Variants in ADGRF5 observed in about 807,000 individuals in gnomAD.
ADGRF5 encodes adhesion G protein-coupled receptor F5, also known as G-protein coupled receptor 116.
ADGRF5 carries 75 observed loss-of-function variants against 132.3 expected under a neutral mutation model. The ratio of observed to expected loss-of-function variants is 0.57; its 90% CI spans 0.47 to 0.69. The LOEUF is 0.69. ADGRF5 is among the 30% of genes least tolerant of loss of function. The pLI, the probability that ADGRF5 is intolerant of heterozygous loss-of-function variation, is 0.00. For missense variants in ADGRF5, 1,516 were observed against 1,630.6 expected (o/e 0.93, Z 1.21); for synonymous variants, 629 against 597.6 (o/e 1.05, Z -0.77).
At chr6:46,948,862 C>G (rs1452155295) in intron 1 of ADGRF5, among the ~76,000 whole-genome samples, 2 of 152,116 alleles carry the variant, frequency 1.3e-5, no homozygotes, top group Admixed American at 6.6e-5. Flanking sequence ...AGATTTTACT[C>G]TAGGCGGGGT....
At chr6:46,925,647 C>G (rs1253481489), upstream of ADGRF5, among the ~76,000 whole-genome samples, 1 of 152,188 alleles carries the variant, frequency 6.6e-6, no homozygotes, top group African/African-American at 2.4e-5. Context: ...ATCCCAGCTA[C>G]TCAGGAGGCT....
rs1165324740 is a variant in ADGRF5 at position 46,892,197 on chromosome 6, CACACACACACACAG to C, written c.158-3706_158-3693del. On this transcript the variant is annotated intron_variant, in intron 3 of 20. Transcript: ENST00000283296. The stretch of plus-strand genomic sequence containing the variant: ...ACACACACACACACACACACACACA[CACACACACACACAG>C]AAAGAGAGAGAGAGATTTTGGAGCT... Among the ~76,000 whole-genome samples, 254 of 120,070 alleles carry C rather than the reference CACACACACACACAG, an allele frequency of 2.1e-3. 5 individuals are homozygous for C. In the South Asian group the frequency reaches 0.033, roughly 16 times the overall value. The allele number at this position is 120,070 out of a possible 152,430, so 78.8% of individuals were successfully genotyped here. A position where few individuals can be genotyped will look rare whatever the true frequency, so the allele number is the denominator to read the frequency against.
chr6:46,935,595 C>T (rs1582063067), intron 1 of ADGRF5, among the ~76,000 whole-genome samples: 1 of 152,224 alleles, frequency 6.6e-6, no homozygotes, highest in East Asian at 1.9e-4. Flanking sequence ...GGAGAGAGAG[C>T]TCATATTAAA....
At position 46,865,174 on chromosome 6, in the gene ADGRF5, C is replaced by G. The variant is rs1371009193; in HGVS notation, c.1858G>C (p.Val620Leu). 1.2e-6 allele frequency: 2 copies of G among 1,611,308 alleles called. No homozygotes were observed. Among genetic ancestry groups the G allele is most frequent in the Middle Eastern group, 1.7e-4 (1 of 6,052 alleles). ...GCATTGAAATTGTGTTTGTAGCACA[C>G]TTGTTTTTTGTTAACTTCTTTTGCT... Reference protein sequence around the residue: ...PAAKEVNKKQVCYKHNFNASS... With the variant: ...PAAKEVNKKQLCYKHNFNASS... The change falls in exon 14 of 21, where the codon GTG becomes CTG. Residue 620 changes from valine (V) to leucine (L), a missense_variant. Transcript: ENST00000283296.
At chr6:46,952,786 G>A (rs2113849353) in intron 1 of ADGRF5, among the ~76,000 whole-genome samples, 1 of 152,242 alleles carries the variant, frequency 6.6e-6, no homozygotes, top group East Asian at 1.9e-4. Flanking sequence ...AGACATAGAA[G>A]ACCAATAACT....
chr6:46,915,704 A>G (rs1776362266), intron 1 of ADGRF5, among the ~76,000 whole-genome samples: 1 of 151,802 alleles, frequency 6.6e-6, no homozygotes, highest in African/African-American at 2.4e-5. Flanking sequence ...TGTGCTATTC[A>G]GAATGAAAAA....
At chr6:46,909,563 A>T (rs1775731209) in intron 1 of ADGRF5, among the ~76,000 whole-genome samples, 1 of 152,238 alleles carries the variant, frequency 6.6e-6, no homozygotes. Flanking sequence ...GCAACACTGC[A>T]TCTGGAGGAT....
intron 1 of ADGRF5, among the ~76,000 whole-genome samples, chr6:46,952,133 CA>C: frequency 6.6e-6 from 1 of 152,300 alleles, no homozygotes; most frequent in East Asian, 1.9e-4. Context: ...AAGATAGTTG[CA>C]GGTACAGGAC....
chr6:46,877,374 T>TTTC (rs1771927892), intron 10 of ADGRF5, among the ~76,000 whole-genome samples: 1 of 59,364 alleles, frequency 1.7e-5, no homozygotes, highest in Non-Finnish European at 4.3e-5. Context: ...TCTTTCTTTC[T>TTTC]TTCTTTCTTT....
In ADGRF5 at chr6:46,884,239, A is replaced by T; in HGVS notation, c.361T>A (p.Ser121Thr). Residue 121 changes from serine (S) to threonine (T), a missense_variant, in exon 5 of 21, where the codon TCC becomes ACC. Ser to Thr is a moderately conservative substitution (Grantham distance 58). Transcript: ENST00000283296. ...CRPAGNEIWCSCETGYGWPRE... is the reference protein window; with the variant it reads ...CRPAGNEIWCTCETGYGWPRE... The stretch of plus-strand genomic sequence containing the variant: ...GGCCACCCATAACCTGTCTCGCAGG[A>T]GCACCAGATTTCATTTCCAGCAGGT... 6.2e-7 allele frequency: 1 copy of T among 1,613,984 alleles called. No homozygotes were observed. Among genetic ancestry groups the T allele is most frequent in the Non-Finnish European group, 8.5e-7 (1 of 1,179,828 alleles).
At chr6:46,941,956 T>G (rs1253085689) in intron 1 of ADGRF5, among the ~76,000 whole-genome samples, 1 of 152,218 alleles carries the variant, frequency 6.6e-6, no homozygotes, top group Non-Finnish European at 1.5e-5. Flanking sequence ...GCTACATGCT[T>G]TTTTGCTATA....
chr6:46,852,833 C>A lies in ADGRF5; in HGVS notation c.*1159G>T, dbSNP rs1036542439. 5.9e-5 allele frequency: 9 copies of A among 152,292 alleles called. No homozygotes were observed. The highest frequency in any genetic ancestry group is 2.2e-4 in the African/African-American group (9 of 41,330). 9.4% of individuals were successfully genotyped at this position (152,292 alleles called of 1,614,324 possible). A position where few individuals can be genotyped will look rare whatever the true frequency, so the allele number is the denominator to read the frequency against. ...CTCTTAATGTATATTGGTCTGGGAA[C>A]TTAAAGATGGAAACAGAGAATACAT... On this transcript the variant is annotated 3_prime_UTR_variant, in exon 21 of 21. Coordinates refer to ENST00000283296, the MANE Select transcript of ADGRF5 (RefSeq NM_001098518.2).
At chr6:46,936,577 C>T (rs140988179) in intron 1 of ADGRF5, among the ~76,000 whole-genome samples, 4 of 152,064 alleles carry the variant, frequency 2.6e-5, no homozygotes, top group East Asian at 1.9e-4. Flanking sequence ...CATCATCAAA[C>T]ATTTATTGAA....
At chr6:46,897,145 T>TACACACACACACAC (rs10655432) in intron 3 of ADGRF5, among the ~76,000 whole-genome samples, 3 of 141,780 alleles carry the variant, frequency 2.1e-5, no homozygotes, top group African/African-American at 8.0e-5. Flanking sequence ...TGCATATATA[T>TACACACACACACAC]ACACACACAC....
intron 1 of ADGRF5, among the ~76,000 whole-genome samples, chr6:46,930,112 C>T (rs1005360900): frequency 3.9e-5 from 6 of 152,170 alleles, no homozygotes; most frequent in Non-Finnish European, 8.8e-5. Context: ...TGAGCCACCG[C>T]GCCCAGCCTC....
chr6:46,933,243 T>G (rs758250402), intron 1 of ADGRF5, among the ~76,000 whole-genome samples: 8 of 152,204 alleles, frequency 5.3e-5, no homozygotes, highest in Non-Finnish European at 8.8e-5. Flanking sequence ...AAGCACCACT[T>G]TTATGTTACC....
intron 3 of ADGRF5, among the ~76,000 whole-genome samples, chr6:46,892,546 T>G (rs1431796114): frequency 6.6e-6 from 1 of 151,902 alleles, no homozygotes; most frequent in Non-Finnish European, 1.5e-5. Flanking sequence ...GGTCAGGAGT[T>G]CGAGACCTGC....
At chr6:46,934,116 C>T (rs1777698316) in intron 1 of ADGRF5, among the ~76,000 whole-genome samples, 1 of 152,176 alleles carries the variant, frequency 6.6e-6, no homozygotes, top group Non-Finnish European at 1.5e-5. Context: ...ACCTTCTGGG[C>T]TCTCACTAAA....
intron 2 of ADGRF5, 143 bp from the exon 3 acceptor site, chr6:46,900,226 G>A: frequency 1.5e-6 from 1 of 658,774 alleles, no homozygotes; most frequent in Non-Finnish European, 2.8e-6. Context: ...GTGGATGCTG[G>A]GCACATAGCA....
Sources: gnomAD v4.1 joint callset for allele counts (sites outside exome capture counted in the v4.1 genomes callset) on GRCh38, gnomAD v4.1.1 for gene constraint, MANE v1.5 for transcripts, NCBI Gene and HGNC (gene_info 2026-07-23, HGNC 2026-07-21) for gene names.